EYS: variants seen among roughly 807,000 people sequenced by gnomAD.
EYS encodes the protein EGF-like photoreceptor maintenance factor.
A neutral mutation model predicts 282.1 loss-of-function variants in EYS; 250 were observed. The observed-to-expected ratio is 0.89, with a 90% confidence interval of 0.80 to 0.98. The LOEUF is 0.98. Among genes scored for constraint, EYS ranks in the 50% least tolerant of loss-of-function variants. The pLI is 0.00. For missense variants in EYS, 4,016 were observed against 3,709.0 expected, an observed-to-expected ratio of 1.08 and a Z score of -2.15; for synonymous variants, 1,355 against 1,282.9, an observed-to-expected ratio of 1.06 and a Z score of -1.20.
At chr6:65,224,419 T>A (rs1285273714) in intron 12 of EYS, among the ~76,000 whole-genome samples, 2 of 152,120 alleles carry the variant, frequency 1.3e-5, no homozygotes, top group Non-Finnish European at 2.9e-5. Context: ...AAGGAGTACT[T>A]GGAAGAAATT....
chr6:65,584,575 T>A (rs180795335), intron 2 of EYS, among the ~76,000 whole-genome samples: 35 of 152,080 alleles, frequency 2.3e-4, no homozygotes, highest in East Asian at 1.9e-4. Context: ...CCAACTGAAT[T>A]ATCCAGAATG....
intron 21 of EYS, among the ~76,000 whole-genome samples, chr6:64,814,320 T>C (rs560862296): frequency 1.1e-4 from 17 of 152,186 alleles, no homozygotes; most frequent in African/African-American, 4.1e-4. Flanking sequence ...TTATTGTAAC[T>C]ACATGGATGC....
At chr6:65,506,460 CTTTTTTTTT>C (rs58326040) in intron 2 of EYS, among the ~76,000 whole-genome samples, 3 of 64,858 alleles carry the variant, frequency 4.6e-5, no homozygotes, top group African/African-American at 1.2e-4. Context: ...TCCTTCCTTT[CTTTTTTTTT>C]TTTTTTTTTT....
At chr6:64,860,753 C>T (rs1295880465) in intron 19 of EYS, among the ~76,000 whole-genome samples, 3 of 152,144 alleles carry the variant, frequency 2.0e-5, no homozygotes, top group Non-Finnish European at 4.4e-5. Flanking sequence ...GTCCTGAGTT[C>T]TTGTCCCATG....
At chr6:64,779,480 T>C (rs1276981579) in intron 22 of EYS, among the ~76,000 whole-genome samples, 1 of 151,452 alleles carries the variant, frequency 6.6e-6, no homozygotes, top group African/African-American at 2.4e-5. Context: ...TTGCCAGGAG[T>C]TGGGTTGGGG....
At chr6:64,447,631 A>C (rs9451613) in intron 26 of EYS, among the ~76,000 whole-genome samples, 1 of 152,162 alleles carries the variant, frequency 6.6e-6, no homozygotes, top group African/African-American at 2.4e-5. Flanking sequence ...ATAAAATGCC[A>C]AAAAAAGTTT....
intron 41 of EYS, among the ~76,000 whole-genome samples, chr6:63,738,339 A>G (rs1319954319): frequency 6.6e-6 from 1 of 152,092 alleles, no homozygotes; most frequent in Non-Finnish European, 1.5e-5. Context: ...AACCAACACA[A>G]ATGTCCAACA....
chr6:64,548,720 C>A (rs150849995), intron 26 of EYS, among the ~76,000 whole-genome samples: 1 of 151,994 alleles, frequency 6.6e-6, no homozygotes, highest in Non-Finnish European at 1.5e-5. Context: ...GGAGATATAC[C>A]TAATGTTAAA....
chr6:64,358,798 GCAGTAA>G (rs1771915581), intron 29 of EYS, among the ~76,000 whole-genome samples: 1 of 151,682 alleles, frequency 6.6e-6, no homozygotes, highest in African/African-American at 2.4e-5. Context: ...AGTAGGCAAA[GCAGTAA>G]TAGGATAGAC....
intron 12 of EYS, among the ~76,000 whole-genome samples, chr6:65,158,538 T>C (rs11968900): frequency 0.26 from 38,683 of 150,638 alleles, 5,304 homozygotes; most frequent in African/African-American, 0.35. Flanking sequence ...AAGAAATATG[T>C]TTGTGTTGAT....
intron 13 of EYS, among the ~76,000 whole-genome samples, chr6:65,031,097 C>T (rs1772587916): frequency 6.7e-6 from 1 of 150,140 alleles, no homozygotes; most frequent in African/African-American, 2.4e-5. Context: ...CATAACCATT[C>T]TAAACACACA....
At chr6:65,697,648 C>T (rs1341108330) in intron 1 of EYS, among the ~76,000 whole-genome samples, 1 of 151,482 alleles carries the variant, frequency 6.6e-6, no homozygotes, top group Non-Finnish European at 1.5e-5. Context: ...GAATTCTTAC[C>T]AAACGATTGG....
At chr6:64,274,758 C>T (rs9353681) in intron 30 of EYS, among the ~76,000 whole-genome samples, 31,560 of 151,912 alleles carry the variant, frequency 0.21, 3,977 homozygotes, top group Admixed American at 0.32. Context: ...TCTACAAGTA[C>T]CGAACTTAGA....
intron 2 of EYS, among the ~76,000 whole-genome samples, chr6:65,604,608 A>C (rs1012604969): frequency 6.6e-6 from 1 of 151,938 alleles, no homozygotes; most frequent in South Asian, 2.1e-4. Context: ...TTTACATTAA[A>C]ATAAATAAAT....
At chr6:65,687,835 G>C (rs1160485179) in intron 1 of EYS, among the ~76,000 whole-genome samples, 2 of 152,080 alleles carry the variant, frequency 1.3e-5, no homozygotes, top group Non-Finnish European at 2.9e-5. Context: ...ATTCACAATT[G>C]CTTCAAAGAG....
At chr6:65,254,749 C>A (rs1218895702) in intron 12 of EYS, among the ~76,000 whole-genome samples, 1 of 151,728 alleles carries the variant, frequency 6.6e-6, no homozygotes. Flanking sequence ...AATAATGTTT[C>A]TTCTAATATT....
intron 22 of EYS, among the ~76,000 whole-genome samples, chr6:64,784,927 G>C (rs1210137048): frequency 6.6e-6 from 1 of 152,018 alleles, no homozygotes; most frequent in African/African-American, 2.4e-5. Context: ...TCTGACTTGG[G>C]AGAACACAAG....
intron 32 of EYS, among the ~76,000 whole-genome samples, chr6:64,077,704 G>A (rs1425944502): frequency 6.6e-6 from 1 of 151,958 alleles, no homozygotes; most frequent in Non-Finnish European, 1.5e-5. Flanking sequence ...CAAAGAAGCA[G>A]CACAGAATGG....
intron 26 of EYS, among the ~76,000 whole-genome samples, chr6:64,446,985 G>GT (rs1737772845): frequency 7.9e-6 from 1 of 126,510 alleles, no homozygotes; most frequent in Non-Finnish European, 1.8e-5. Context: ...ATGTGTGTGT[G>GT]TGGGGGGGGG....
Sources: allele counts gnomAD v4.1 joint callset (sites outside exome capture counted in the v4.1 genomes callset), GRCh38; gene constraint gnomAD v4.1.1; transcripts MANE v1.5; gene names NCBI Gene and HGNC (gene_info 2026-07-23, HGNC 2026-07-21).